The following TTC3 variants were observed in gnomAD, a reference collection of about 807,000 sequenced individuals.
TTC3 encodes tetratricopeptide repeat domain 3.
TTC3 carries 180 observed loss-of-function variants against 249.6 expected under a neutral mutation model. The ratio of observed to expected loss-of-function variants is 0.72; its 90% CI spans 0.64 to 0.82. The LOEUF (loss-of-function observed/expected upper bound fraction) is 0.82, where lower values mean the gene tolerates loss of function less well. Among genes scored for constraint, TTC3 ranks in the 40% least tolerant of loss-of-function variants. The pLI, the probability that TTC3 is intolerant of heterozygous loss-of-function variation, is 0.00. For synonymous variants in TTC3, 717 were observed against 805.0 expected, an observed-to-expected ratio of 0.89 and a Z score of 1.85; for missense variants, 2,061 against 2,398.4, an observed-to-expected ratio of 0.86 and a Z score of 2.94.
chr21:37,076,623 C>T (rs1277638766), intron 1 of TTC3, among the ~76,000 whole-genome samples: 1 of 151,186 alleles, frequency 6.6e-6, no homozygotes, highest in Non-Finnish European at 1.5e-5. Context: ...GACAGGCAAA[C>T]CACAGGTTCT....
chr21:37,133,155 T>C (rs910487176), intron 17 of TTC3, among the ~76,000 whole-genome samples: 3 of 152,204 alleles, frequency 2.0e-5, no homozygotes, highest in African/African-American at 7.2e-5. Flanking sequence ...TAGTATTAAC[T>C]TTAAATATTT....
At chr21:37,090,130 G>A in intron 5 of TTC3, 103 bp from the exon 6 acceptor site, 1 of 749,764 alleles carries the variant, frequency 1.3e-6, no homozygotes, top group Non-Finnish European at 2.2e-6. Context: ...GTACTACTGA[G>A]TACATATAGT....
In TTC3 at chr21:37,164,043, T is replaced by C. The variant is rs1326068442; in HGVS notation, c.3171-8T>C. 4.4e-6 allele frequency: 7 copies of C among 1,598,958 alleles called. No individual in the cohort carries two copies. Among genetic ancestry groups the C allele is most frequent in the Non-Finnish European group, 6.0e-6 (7 of 1,175,084 alleles). ...CAAAATTGGGTGTTTTTTGTTGTTATTTACCAGCAATCGAAATTCAGATTC... is the reference window on the plus strand; with the variant it reads ...CAAAATTGGGTGTTTTTTGTTGTTACTTACCAGCAATCGAAATTCAGATTC... On this transcript the variant is annotated splice_polypyrimidine_tract_variant and splice_region_variant and intron_variant, in intron 31 of 45. Coordinates refer to ENST00000355666, the Ensembl canonical transcript of TTC3.
chr21:37,176,422 A>G (rs2082290283), intron 35 of TTC3, among the ~76,000 whole-genome samples: 1 of 152,210 alleles, frequency 6.6e-6, no homozygotes, highest in Non-Finnish European at 1.5e-5. Flanking sequence ...AGATGCTAAA[A>G]TGGGCATTGA....
chr21:37,165,272 A>G (rs569567020), intron 32 of TTC3, among the ~76,000 whole-genome samples: 7 of 152,242 alleles, frequency 4.6e-5, no homozygotes, highest in African/African-American at 7.2e-5. Flanking sequence ...ATGTAATTAC[A>G]TAGTTGAAAG....
chr21:37,174,601 T>G (rs911409076), intron 35 of TTC3, among the ~76,000 whole-genome samples: 4 of 152,192 alleles, frequency 2.6e-5, no homozygotes, highest in African/African-American at 9.7e-5. Flanking sequence ...TATACTCCAG[T>G]TACTTGATGC....
In TTC3 at chr21:37,134,173, C is replaced by T. The variant is rs548820914; in HGVS notation, c.1444-1207C>T. Among the ~76,000 whole-genome samples, 12 of 152,192 alleles carry T rather than the reference C, an allele frequency of 7.9e-5. No homozygotes were observed. In the East Asian group the frequency reaches 1.7e-3, roughly 22 times the overall value. On this transcript the variant is annotated intron_variant, in intron 17 of 45. Coordinates refer to ENST00000355666, the Ensembl canonical transcript of TTC3. ...CATTGGTTCAAAAGCCAGCAGAGGCCGGGTGCAGGGTCTCACACCTGTAAT... is the reference window on the plus strand; with the variant it reads ...CATTGGTTCAAAAGCCAGCAGAGGCTGGGTGCAGGGTCTCACACCTGTAAT...
At chr21:37,196,702 A>G (rs1019030127) in intron 42 of TTC3, among the ~76,000 whole-genome samples, 6 of 152,130 alleles carry the variant, frequency 3.9e-5, no homozygotes, top group African/African-American at 1.5e-4. Context: ...ATTTTGCATC[A>G]TTTGGGGGGA....
At chr21:37,096,094 T>A (rs2073915358) in intron 9 of TTC3, among the ~76,000 whole-genome samples, 2 of 152,206 alleles carry the variant, frequency 1.3e-5, no homozygotes, top group Admixed American at 6.5e-5. Flanking sequence ...TGCCCTATTC[T>A]TTTGAGGAAG....
chr21:37,186,006 A>G (rs1216573651), intron 37 of TTC3: 1 of 190,154 alleles, frequency 5.3e-6, no homozygotes, highest in African/African-American at 2.4e-5. Flanking sequence ...TCCCATTGTC[A>G]ATATAAAAAT....
chr21:37,197,463 T>C (rs2085043628), intron 42 of TTC3, 107 bp from the exon 43 acceptor site: 1 of 1,352,158 alleles, frequency 7.4e-7, no homozygotes, highest in East Asian at 2.3e-5. Context: ...TTTATGTGCA[T>C]TTGTCTTTGT....
intron 7 of TTC3, among the ~76,000 whole-genome samples, chr21:37,093,098 C>A (rs112185189): frequency 0.011 from 1,706 of 152,222 alleles, 17 homozygotes; most frequent in East Asian, 0.03. Flanking sequence ...GAAATGCTCG[C>A]TGGGCGCGGT....
At chr21:37,182,838 A>G in exon 36 of TTC3, 1 of 1,596,180 alleles carries the variant, frequency 6.3e-7, no homozygotes. Flanking sequence ...AAATGGCAAC[A>G]GGAAAAAAAA....
At position 37,138,724 on chromosome 21, in the gene TTC3, G is replaced by A; in HGVS notation, c.1659+10G>A. The A allele has an allele frequency of 3.2e-6, 5 of 1,569,322 alleles. No homozygotes were observed. Among genetic ancestry groups the A allele is most frequent in the Non-Finnish European group, 4.4e-6 (5 of 1,144,290 alleles). ...AATAGGACAGCCTGAGGTAAGATTT[G>A]TAACAGTGGTAATAAACAATTAAAA... On this transcript the variant is annotated intron_variant, in intron 19 of 45. Transcript: ENST00000355666.
intron 1 of TTC3, among the ~76,000 whole-genome samples, chr21:37,078,912 A>T (rs541277772): frequency 9.2e-5 from 14 of 152,328 alleles, no homozygotes; most frequent in African/African-American, 2.4e-4. Context: ...TAAAGAGAAT[A>T]TTTCTCAGCT....
rs2076922212 is a variant in TTC3 at position 37,124,759 on chromosome 21, A to G, written c.1233+17A>G. ...AATCTAAAGGTAAGCTCCATTGAAAACTACAGTTTTTTTCAAGGATAGATA... is the reference window on the plus strand; with the variant it reads ...AATCTAAAGGTAAGCTCCATTGAAAGCTACAGTTTTTTTCAAGGATAGATA... On this transcript the variant is annotated intron_variant, in intron 14 of 45. Coordinates refer to ENST00000355666, the Ensembl canonical transcript of TTC3. 6.2e-7 allele frequency: 1 copy of G among 1,606,352 alleles called. No homozygotes were observed. Among genetic ancestry groups the G allele is most frequent in the Non-Finnish European group, 8.5e-7 (1 of 1,178,322 alleles).
intron 17 of TTC3, 74 bp from the exon 18 acceptor site, chr21:37,135,306 T>A: frequency 6.8e-7 from 1 of 1,464,202 alleles, no homozygotes; most frequent in Non-Finnish European, 9.3e-7. Flanking sequence ...AATATTACTA[T>A]GAACTTGGCA....
intron 20 of TTC3, among the ~76,000 whole-genome samples, chr21:37,141,564 T>C (rs1037197183): frequency 2.6e-4 from 39 of 152,122 alleles, no homozygotes; most frequent in Admixed American, 1.0e-3. Flanking sequence ...GGTCAGGAGT[T>C]TGAGACCAGC....
chr21:37,157,203 C>A, intron 28 of TTC3: 1 of 1,341,588 alleles, frequency 7.5e-7, no homozygotes, highest in Non-Finnish European at 9.9e-7. Context: ...GTTACACTGA[C>A]AGAATCTATT....
Sources: gnomAD v4.1 joint callset for allele counts (sites outside exome capture counted in the v4.1 genomes callset) on GRCh38, gnomAD v4.1.1 for gene constraint, MANE v1.5 for transcripts, NCBI Gene and HGNC (gene_info 2026-07-23, HGNC 2026-07-21) for gene names.